Variants in PCDH15 observed in about 807,000 individuals in gnomAD.
The protein encoded by PCDH15 is protocadherin related 15, also known as protocadherin-15.
A neutral mutation model predicts 178.5 loss-of-function variants in PCDH15; 129 were observed. The observed-to-expected ratio is 0.72, with a 90% CI of 0.63 to 0.84. The LOEUF (loss-of-function observed/expected upper bound fraction) is 0.84, where lower values mean the gene tolerates loss of function less well. PCDH15 is among the 40% of genes least tolerant of loss of function. The pLI is 0.00. For synonymous variants in PCDH15, 800 were observed against 732.0 expected, an observed-to-expected ratio of 1.09 and a Z score of -1.50; for missense variants, 2,230 against 2,099.9, an observed-to-expected ratio of 1.06 and a Z score of -1.21.
intron 16 of PCDH15, among the ~76,000 whole-genome samples, chr10:54,085,418 C>T (rs1395999141): frequency 6.6e-6 from 1 of 152,106 alleles, no homozygotes; most frequent in African/African-American, 2.4e-5. Flanking sequence ...TGAGAGATGG[C>T]ATTTCCTCAA....
chr10:55,362,103 T>C (rs969360138), intron 2 of PCDH15, among the ~76,000 whole-genome samples: 1 of 152,088 alleles, frequency 6.6e-6, no homozygotes, highest in Non-Finnish European at 1.5e-5. Context: ...GTATTGACCA[T>C]TTTTCCATTG....
chr10:55,080,500 C>G (rs1022822047), intron 2 of PCDH15, among the ~76,000 whole-genome samples: 5 of 152,152 alleles, frequency 3.3e-5, no homozygotes, highest in Admixed American at 3.3e-4. Context: ...AGAGGTCATG[C>G]TGTGTGAGCA....
At chr10:54,177,088 T>C (rs1407120723) in intron 13 of PCDH15, among the ~76,000 whole-genome samples, 1 of 152,110 alleles carries the variant, frequency 6.6e-6, no homozygotes, top group East Asian at 1.9e-4. Flanking sequence ...TGGAATATTA[T>C]ACAGCCCTGA....
chr10:55,488,320 A>G (rs1840342242), intron 2 of PCDH15, among the ~76,000 whole-genome samples: 1 of 151,610 alleles, frequency 6.6e-6, no homozygotes, highest in Admixed American at 6.6e-5. Flanking sequence ...ACAATTGATT[A>G]CTACTTATGA....
chr10:54,790,627 C>T (rs1450262179), intron 1 of PCDH15, among the ~76,000 whole-genome samples: 1 of 151,724 alleles, frequency 6.6e-6, no homozygotes, highest in African/African-American at 2.4e-5. Flanking sequence ...TCCCCTGGCC[C>T]CAAGGTCCTG....
intron 26 of PCDH15, among the ~76,000 whole-genome samples, chr10:53,888,702 T>TATGTATATATATATATA (rs1554845542): frequency 2.2e-5 from 1 of 46,190 alleles, no homozygotes; most frequent in African/African-American, 5.9e-5. Context: ...TATATATATA[T>TATGTATATATATATATA]ATCTCCTGTG....
intron 2 of PCDH15, among the ~76,000 whole-genome samples, chr10:54,621,266 A>G (rs1262665162): frequency 6.6e-6 from 1 of 151,974 alleles, no homozygotes; most frequent in African/African-American, 2.4e-5. Context: ...TCCAAACCCC[A>G]TGCTAGCAAC....
chr10:55,072,568 T>C (rs1241947553), intron 2 of PCDH15, among the ~76,000 whole-genome samples: 2 of 152,128 alleles, frequency 1.3e-5, no homozygotes, highest in Admixed American at 6.5e-5. Context: ...AATCTCTGAA[T>C]AGACCAATAA....
chr10:54,478,114 A>T (rs2078416985), intron 3 of PCDH15, among the ~76,000 whole-genome samples: 4 of 152,116 alleles, frequency 2.6e-5, no homozygotes, highest in Admixed American at 2.6e-4. Flanking sequence ...TCAAAAGCTT[A>T]CAGATTTTGA....
At position 54,585,545 on chromosome 10, in the gene PCDH15, T is replaced by C. The variant is rs759160958; in HGVS notation, c.92-57668A>G. 5.5e-5 allele frequency: 13 copies of C among 235,532 alleles called. 2 individuals carry two copies. In the South Asian group the frequency reaches 6.0e-4, roughly 11 times the overall value. 14.6% of individuals were successfully genotyped at this position (235,532 alleles called of 1,614,324 possible). A position where few individuals can be genotyped will look rare whatever the true frequency, so the allele number is the denominator to read the frequency against. ...TTAATTTTTTTTAACTTCATAGCTG[T>C]AGGCTAACCAATAGTTAACAAATAA... On this transcript the variant is annotated intron_variant, in intron 2 of 37. Coordinates refer to ENST00000644397, the MANE Select transcript of PCDH15 (RefSeq NM_001384140.1).
intron 2 of PCDH15, among the ~76,000 whole-genome samples, chr10:55,400,329 C>CA (rs1287330076): frequency 6.6e-6 from 1 of 152,054 alleles, no homozygotes; most frequent in Non-Finnish European, 1.5e-5. Context: ...AAGTCTCTGC[C>CA]ACCAAAATGT....
intron 13 of PCDH15, among the ~76,000 whole-genome samples, chr10:54,182,126 T>C (rs2048043380): frequency 6.6e-6 from 1 of 152,100 alleles, no homozygotes; most frequent in Non-Finnish European, 1.5e-5. Flanking sequence ...TCCGGCTAAT[T>C]TTTTTAAAAA....
chr10:54,429,327 T>A (rs9415324), intron 3 of PCDH15, among the ~76,000 whole-genome samples: 31,955 of 151,636 alleles, frequency 0.21, 4,253 homozygotes, highest in African/African-American at 0.38. Context: ...ATTGAAAAAA[T>A]TACAGCAGAT....
At chr10:53,837,615 A>G (rs748190365) in intron 29 of PCDH15, among the ~76,000 whole-genome samples, 1 of 152,132 alleles carries the variant, frequency 6.6e-6, no homozygotes, top group Admixed American at 6.5e-5. Context: ...AAATTGAAAG[A>G]ACACTTCCAT....
intron 2 of PCDH15, among the ~76,000 whole-genome samples, chr10:54,596,542 C>A (rs1042984431): frequency 6.6e-6 from 1 of 151,988 alleles, no homozygotes; most frequent in African/African-American, 2.4e-5. Flanking sequence ...ATAAAGCAAC[C>A]AAACAAGTCA....
At chr10:54,866,697 G>C (rs1394798513) in intron 3 of PCDH15, among the ~76,000 whole-genome samples, 1 of 151,974 alleles carries the variant, frequency 6.6e-6, no homozygotes, top group African/African-American at 2.4e-5. Context: ...AGATGTATAA[G>C]CAGTTTTTCT....
chr10:55,254,388 C>A (rs1326212318), intron 1 of PCDH15, among the ~76,000 whole-genome samples: 3 of 152,032 alleles, frequency 2.0e-5, no homozygotes, highest in Non-Finnish European at 4.4e-5. Context: ...TTCAGAGACA[C>A]CAAAGTTTCA....
chr10:54,786,260 C>T (rs1175775005), intron 1 of PCDH15, among the ~76,000 whole-genome samples: 2 of 151,906 alleles, frequency 1.3e-5, no homozygotes, highest in African/African-American at 2.4e-5. Context: ...GTTAAAGTCT[C>T]GAATGTAGCT....
At chr10:55,229,887 C>A (rs981291784) in intron 1 of PCDH15, among the ~76,000 whole-genome samples, 1 of 151,988 alleles carries the variant, frequency 6.6e-6, no homozygotes, top group African/African-American at 2.4e-5. Flanking sequence ...CTTCACCACT[C>A]TTATTTCTCA....
Sources: gnomAD v4.1 joint callset for allele counts (sites outside exome capture counted in the v4.1 genomes callset) on GRCh38, gnomAD v4.1.1 for gene constraint, MANE v1.5 for transcripts, NCBI Gene and HGNC (gene_info 2026-07-23, HGNC 2026-07-21) for gene names.